Variants in CADPS2 observed in about 807,000 individuals in gnomAD.
The protein encoded by CADPS2 is calcium-dependent secretion activator 2.
CADPS2 carries 93 observed loss-of-function variants against 172.5 expected under a neutral mutation model. That is an observed-to-expected ratio of 0.54 (90% confidence interval 0.46 to 0.64). The LOEUF is 0.64. Among genes scored for constraint, CADPS2 ranks in the 30% least tolerant of loss-of-function variants. The pLI, the probability that CADPS2 is intolerant of heterozygous loss-of-function variation, is 0.00. For missense variants in CADPS2, 1,420 were observed against 1,565.9 expected, an observed-to-expected ratio of 0.91 and a Z score of 1.57; for synonymous variants, 546 against 555.2, an observed-to-expected ratio of 0.98 and a Z score of 0.23.
chr7:122,358,293 CTTTT>C (rs2039682357), intron 27 of CADPS2, among the ~76,000 whole-genome samples: 1 of 152,016 alleles, frequency 6.6e-6, no homozygotes, highest in Non-Finnish European at 1.5e-5. Context: ...CTGTTTGGAT[CTTTT>C]GCCCATTTAA....
intron 12 of CADPS2, among the ~76,000 whole-genome samples, chr7:122,477,526 G>A (rs1410409584): frequency 4.2e-5 from 5 of 119,560 alleles, no homozygotes; most frequent in Non-Finnish European, 6.9e-5. Context: ...CATCCCACCC[G>A]CCACCCCCGA....
At chr7:122,768,628 A>G (rs189382916) in intron 1 of CADPS2, among the ~76,000 whole-genome samples, 1 of 152,320 alleles carries the variant, frequency 6.6e-6, no homozygotes. Flanking sequence ...TCAATATTGT[A>G]GAGATATAAA....
intron 11 of CADPS2, among the ~76,000 whole-genome samples, chr7:122,482,843 A>G (rs941279793): frequency 1.3e-5 from 2 of 152,174 alleles, no homozygotes; most frequent in African/African-American, 4.8e-5. Context: ...GAGACTCTCA[A>G]GATCTACAGA....
intron 9 of CADPS2, among the ~76,000 whole-genome samples, chr7:122,496,949 T>C (rs368285604): frequency 1.3e-4 from 20 of 152,170 alleles, no homozygotes; most frequent in African/African-American, 4.6e-4. Context: ...GGATTCTTCA[T>C]GCAATTCTCT....
At chr7:122,878,082 C>T (rs1173353952) in intron 1 of CADPS2, among the ~76,000 whole-genome samples, 1 of 151,094 alleles carries the variant, frequency 6.6e-6, no homozygotes, top group Non-Finnish European at 1.5e-5. Flanking sequence ...ATGGTGAAAC[C>T]CCGTCTTTAC....
chr7:122,385,124 G>A (rs1456746648), intron 24 of CADPS2, among the ~76,000 whole-genome samples: 4 of 151,898 alleles, frequency 2.6e-5, no homozygotes, highest in African/African-American at 9.7e-5. Context: ...AAAAACATGA[G>A]GAGGTAAATA....
intron 17 of CADPS2, among the ~76,000 whole-genome samples, chr7:122,432,643 TAAAAAAAA>T (rs57311950): frequency 9.2e-6 from 1 of 108,542 alleles, no homozygotes; most frequent in Non-Finnish European, 1.9e-5. Context: ...TCTGTTAAAA[TAAAAAAAA>T]AAAAAAAAAA....
chr7:122,691,485 G>A (rs66699011), intron 2 of CADPS2, among the ~76,000 whole-genome samples: 10,005 of 152,270 alleles, frequency 0.066, 370 homozygotes, highest in South Asian at 0.17. Context: ...TAGGTCTTGT[G>A]CCTACTGAAG....
At chr7:122,585,536 C>T (rs1322375338) in intron 6 of CADPS2, 2 of 151,120 alleles carry the variant, frequency 1.3e-5, no homozygotes, top group Non-Finnish European at 1.5e-5. Context: ...AAGACATCTC[C>T]TTATTTTCTA....
At chr7:122,764,846 ACC>A (rs1317857559) in intron 1 of CADPS2, among the ~76,000 whole-genome samples, 1 of 152,144 alleles carries the variant, frequency 6.6e-6, no homozygotes, top group East Asian at 1.9e-4. Context: ...GATAGTTTCC[ACC>A]GAGCCATTTC....
chr7:122,501,236 C>T (rs2059171992), intron 9 of CADPS2, among the ~76,000 whole-genome samples: 1 of 152,010 alleles, frequency 6.6e-6, no homozygotes, highest in Admixed American at 6.6e-5. Context: ...GTCTGGGTGA[C>T]AGAGTGAACT....
intron 4 of CADPS2, among the ~76,000 whole-genome samples, chr7:122,628,262 C>T (rs936402311): frequency 4.6e-5 from 7 of 152,068 alleles, no homozygotes; most frequent in African/African-American, 1.4e-4. Flanking sequence ...TTTACAAATA[C>T]ACATTTTCTT....
chr7:122,825,541 A>G (rs753686401), intron 1 of CADPS2, among the ~76,000 whole-genome samples: 26 of 152,246 alleles, frequency 1.7e-4, no homozygotes, highest in Non-Finnish European at 2.8e-4. Context: ...AAAGTGGTTA[A>G]TATGATTACT....
At chr7:122,392,460 A>G (rs1288002020) in intron 22 of CADPS2, among the ~76,000 whole-genome samples, 2 of 152,018 alleles carry the variant, frequency 1.3e-5, no homozygotes, top group Non-Finnish European at 2.9e-5. Flanking sequence ...GTTGAGGAAA[A>G]AACTCAGGCT....
At chr7:122,584,088 C>G (rs1325304685) in intron 6 of CADPS2, among the ~76,000 whole-genome samples, 3 of 151,520 alleles carry the variant, frequency 2.0e-5, no homozygotes, top group African/African-American at 4.8e-5. Flanking sequence ...TGAGACTAGC[C>G]TGTATATTTA....
chr7:122,688,104 G>C (rs2083867530), intron 2 of CADPS2, among the ~76,000 whole-genome samples: 1 of 152,172 alleles, frequency 6.6e-6, no homozygotes, highest in African/African-American at 2.4e-5. Flanking sequence ...CCAGAAAGCA[G>C]GGAGTCATTC....
At chr7:122,647,555 T>C (rs1588114930) in intron 3 of CADPS2, among the ~76,000 whole-genome samples, 1 of 152,312 alleles carries the variant, frequency 6.6e-6, no homozygotes, top group East Asian at 1.9e-4. Context: ...TAAGATAACA[T>C]CAGTTGGCCC....
chr7:122,860,259 C>T (rs1267599373), intron 1 of CADPS2, among the ~76,000 whole-genome samples: 1 of 152,040 alleles, frequency 6.6e-6, no homozygotes, highest in Non-Finnish European at 1.5e-5. Context: ...GACAGGGTAT[C>T]ACTCTGTTAC....
intron 1 of CADPS2, among the ~76,000 whole-genome samples, chr7:122,823,033 G>C (rs1161247869): frequency 6.6e-6 from 1 of 152,144 alleles, no homozygotes; most frequent in Non-Finnish European, 1.5e-5. Flanking sequence ...TCTCATTATA[G>C]TTTTGATTTG....
Sources: allele counts gnomAD v4.1 joint callset (sites outside exome capture counted in the v4.1 genomes callset), GRCh38; gene constraint gnomAD v4.1.1; transcripts MANE v1.5; gene names NCBI Gene and HGNC (gene_info 2026-07-23, HGNC 2026-07-21).